PRUNE2: variants seen among roughly 807,000 people sequenced by gnomAD.
PRUNE2 encodes the protein prune homolog 2 with BCH domain.
In PRUNE2, 164 loss-of-function variants were observed where a neutral mutation model predicts 252.0. The observed-to-expected ratio is 0.65, with a 90% CI of 0.57 to 0.74. The LOEUF (loss-of-function observed/expected upper bound fraction) is 0.74, where lower values mean the gene tolerates loss of function less well. Ranked by LOEUF, PRUNE2 falls within the 30% of genes least tolerant of loss-of-function variation. The probability of loss-of-function intolerance (pLI) is 0.00; values close to 1 mark genes in which losing one functional copy is unlikely to be tolerated. For missense variants in PRUNE2, 3,495 were observed against 3,711.0 expected (o/e 0.94, Z 1.51); for synonymous variants, 1,292 against 1,350.2 (o/e 0.96, Z 0.94).
rs533510321 is a variant in PRUNE2 at position 76,708,298 on chromosome 9, T to G, written c.3976A>C (p.Ser1326Arg). 4.6e-5 allele frequency: 75 copies of G among 1,613,802 alleles called. No individual in the cohort carries two copies. The South Asian group carries it at 7.5e-4, about 16-fold the overall frequency. ...GTGGCTCCCTGGGCTTCCTTCTCACTTTCACTTTGTCCATCGCCATGACCT... is the reference window on the plus strand; with the variant it reads ...GTGGCTCCCTGGGCTTCCTTCTCACGTTCACTTTGTCCATCGCCATGACCT... The part of the protein sequence containing the change: ...WKGHGDGQSE[S>R]EKEAQGATDR... The change falls in exon 8 of 19, where the codon AGT becomes CGT. Residue 1326 changes from serine (S) to arginine (R), a missense_variant. Coordinates refer to ENST00000376718, the MANE Select transcript of PRUNE2 (RefSeq NM_015225.3).
At chr9:76,863,117 G>A (rs2060645409) in intron 1 of PRUNE2, 1 of 151,942 alleles carries the variant, frequency 6.6e-6, no homozygotes, top group Non-Finnish European at 1.5e-5. Flanking sequence ...ATTTTTTGTG[G>A]TATAAATAAA....
intron 4 of PRUNE2, among the ~76,000 whole-genome samples, chr9:76,834,075 GT>G (rs2058824618): frequency 1.3e-5 from 2 of 151,792 alleles, no homozygotes; most frequent in South Asian, 4.2e-4. Flanking sequence ...GAGAGACGGG[GT>G]TTCACCATGT....
At chr9:76,673,961 A>C (rs1044833018) in intron 9 of PRUNE2, among the ~76,000 whole-genome samples, 16 of 152,332 alleles carry the variant, frequency 1.1e-4, no homozygotes, top group Admixed American at 8.5e-4. Context: ...CTGAATGGGC[A>C]AAAACTGGAA....
intron 1 of PRUNE2, among the ~76,000 whole-genome samples, chr9:76,865,774 A>C (rs1240133341): frequency 3.5e-5 from 5 of 144,818 alleles, no homozygotes; most frequent in Admixed American, 7.0e-5. Context: ...ACAGGCTCTC[A>C]TTTCTCTCCC....
At chr9:76,884,494 CTGAT>C (rs1174593480) in intron 1 of PRUNE2, among the ~76,000 whole-genome samples, 1 of 152,148 alleles carries the variant, frequency 6.6e-6, no homozygotes, top group African/African-American at 2.4e-5. Context: ...AATAATATGT[CTGAT>C]TGACTAAGAC....
intron 6 of PRUNE2, among the ~76,000 whole-genome samples, chr9:76,771,984 C>A (rs2053163573): frequency 6.6e-6 from 1 of 152,188 alleles, no homozygotes; most frequent in Admixed American, 6.5e-5. Flanking sequence ...AAACACAAAT[C>A]TGCACTACAG....
chr9:76,769,509 T>C (rs976018194), intron 6 of PRUNE2, among the ~76,000 whole-genome samples: 33 of 152,212 alleles, frequency 2.2e-4, no homozygotes, highest in African/African-American at 7.9e-4. Context: ...CGTCGCAACC[T>C]CCGCCCCCCG....
chr9:76,895,445 A>T (rs11145121), intron 1 of PRUNE2, among the ~76,000 whole-genome samples: 27,328 of 152,068 alleles, frequency 0.18, 2,895 homozygotes, highest in African/African-American at 0.29. Context: ...ATATCTGGCT[A>T]CACTCAAGAA....
At chr9:76,848,024 G>C (rs1457226436) in intron 3 of PRUNE2, among the ~76,000 whole-genome samples, 1 of 152,224 alleles carries the variant, frequency 6.6e-6, no homozygotes, top group Admixed American at 6.5e-5. Context: ...AGCACTTTGG[G>C]AGGCTGAGGC....
intron 12 of PRUNE2, among the ~76,000 whole-genome samples, chr9:76,639,072 T>C (rs79381894): frequency 8.5e-4 from 129 of 152,318 alleles, no homozygotes; most frequent in Non-Finnish European, 1.6e-3. Context: ...GAAATCTCTA[T>C]TTAATGATTC....
chr9:76,835,572 G>A (rs1193758831), intron 4 of PRUNE2, among the ~76,000 whole-genome samples: 1 of 152,086 alleles, frequency 6.6e-6, no homozygotes, highest in Non-Finnish European at 1.5e-5. Flanking sequence ...TGAGGTTGAG[G>A]AATCATTTTG....
In PRUNE2 at chr9:76,707,643, C is replaced by T; in HGVS notation, c.4631G>A (p.Ser1544Asn). The part of the protein sequence containing the change: ...DTISSEYTHS[S>N]ASSPELNDSS... Reference sequence around the variant, plus strand: ...GTCATTTAACTCAGGACTTGATGCACTTGAATGAGTATACTCACTAGAAAT... The same window carrying T: ...GTCATTTAACTCAGGACTTGATGCATTTGAATGAGTATACTCACTAGAAAT... Residue 1544 changes from serine (S) to asparagine (N), a missense_variant, in exon 8 of 19, where the codon AGT becomes AAT. By Grantham distance (46) the Ser-to-Asn change is conservative. Coordinates refer to ENST00000376718, the MANE Select transcript of PRUNE2 (RefSeq NM_015225.3). 2 of 1,613,840 alleles carry T rather than the reference C, an allele frequency of 1.2e-6. No individual in the cohort carries two copies. Among genetic ancestry groups the T allele is most frequent in the East Asian group, 2.2e-5 (1 of 44,860 alleles).
At chr9:76,772,156 T>C (rs2053184091) in intron 6 of PRUNE2, among the ~76,000 whole-genome samples, 1 of 152,140 alleles carries the variant, frequency 6.6e-6, no homozygotes, top group Non-Finnish European at 1.5e-5. Context: ...GCTTTTTGTG[T>C]GTTGCTCGTT....
intron 6 of PRUNE2, among the ~76,000 whole-genome samples, chr9:76,716,730 C>A (rs905941787): frequency 6.6e-6 from 1 of 151,616 alleles, no homozygotes; most frequent in African/African-American, 2.4e-5. Context: ...GTGCAGAATG[C>A]GCAGGTTTGT....
chr9:76,862,124 G>GA (rs1232742087), intron 1 of PRUNE2: 1 of 152,332 alleles, frequency 6.6e-6, no homozygotes, highest in East Asian at 1.9e-4. Context: ...TCAGCCTCAA[G>GA]AACTGCAGTC....
At chr9:76,715,484 C>T (rs938302687) in intron 6 of PRUNE2, among the ~76,000 whole-genome samples, 6 of 152,128 alleles carry the variant, frequency 3.9e-5, no homozygotes, top group African/African-American at 1.4e-4. Flanking sequence ...TTTTTGGTTG[C>T]AAGGAATTGC....
At chr9:76,718,036 A>G (rs2047315220) in intron 6 of PRUNE2, among the ~76,000 whole-genome samples, 1 of 152,204 alleles carries the variant, frequency 6.6e-6, no homozygotes, top group South Asian at 2.1e-4. Flanking sequence ...GTTGATGCTC[A>G]TTATAACCCA....
chr9:76,815,499 C>T (rs778513923), intron 6 of PRUNE2, among the ~76,000 whole-genome samples: 6 of 152,150 alleles, frequency 3.9e-5, no homozygotes, highest in Non-Finnish European at 8.8e-5. Flanking sequence ...CCCCGCAAGC[C>T]GTTTTATAAA....
chr9:76,705,996 C>T lies in PRUNE2; in HGVS notation c.6278G>A (p.Cys2093Tyr), dbSNP rs748606236. ...AGCCTGAGAATTGCTGTCATGTTCGCAGTGCGTCAGGATATCAGGATTCTC... is the reference window on the plus strand; with the variant it reads ...AGCCTGAGAATTGCTGTCATGTTCGTAGTGCGTCAGGATATCAGGATTCTC... ...DGENPDILTH[C>Y]EHDSNSQASD... is the part of the protein sequence containing the mutation. The change falls in exon 8 of 19, where the codon TGC (cysteine) becomes TAC (tyrosine). Residue 2093 changes from cysteine (C) to tyrosine (Y), a missense_variant. By Grantham distance (194) the Cys-to-Tyr change is radical. Transcript: ENST00000376718. The T allele has an allele frequency of 1.2e-6, 2 of 1,614,036 alleles. No homozygotes were observed. Among genetic ancestry groups the T allele is most frequent in the East Asian group, 2.2e-5 (1 of 44,880 alleles).
Sources: allele counts gnomAD v4.1 joint callset (sites outside exome capture counted in the v4.1 genomes callset), GRCh38; gene constraint gnomAD v4.1.1; transcripts MANE v1.5; gene names NCBI Gene and HGNC (gene_info 2026-07-23, HGNC 2026-07-21).